The following TNFRSF19 variants were observed in gnomAD, a reference collection of about 807,000 sequenced individuals.
TNFRSF19 encodes tumor necrosis factor receptor superfamily member 19.
TNFRSF19 carries 27 observed loss-of-function variants against 46.4 expected under a neutral mutation model. The observed-to-expected ratio is 0.58, with a 90% CI of 0.43 to 0.80. The LOEUF (loss-of-function observed/expected upper bound fraction) is 0.80, where lower values mean the gene tolerates loss of function less well. TNFRSF19 is among the 30% of genes least tolerant of loss of function. The pLI, the probability that TNFRSF19 is intolerant of heterozygous loss-of-function variation, is 0.00. For synonymous variants in TNFRSF19, 204 were observed against 205.0 expected (o/e 1.00, Z 0.04); for missense variants, 511 against 530.8 (o/e 0.96, Z 0.37).
rs1355769102 is a variant in TNFRSF19, at chr13:23,660,931, G to A, written c.736+441G>A. On this transcript the variant is annotated intron_variant, in intron 7 of 9. Coordinates refer to ENST00000248484, the MANE Select transcript of TNFRSF19 (RefSeq NM_148957.4). Reference sequence around the variant, plus strand: ...AGAGAGCTGAGAAGTCCATTTCAAGGTTTTACACAAACCATAATTGCCCCT... The same window carrying A: ...AGAGAGCTGAGAAGTCCATTTCAAGATTTTACACAAACCATAATTGCCCCT... Among the ~76,000 whole-genome samples the A allele has an allele frequency of 2.6e-5, 4 of 152,168 alleles. No homozygotes were observed. In the East Asian group the frequency reaches 7.7e-4, roughly 29 times the overall value.
chr13:23,651,864 TC>T (rs1316340394), intron 5 of TNFRSF19, among the ~76,000 whole-genome samples: 1 of 59,072 alleles, frequency 1.7e-5, no homozygotes, highest in Non-Finnish European at 3.5e-5. Flanking sequence ...TTTTTTTTAC[TC>T]TAAATGGTTG....
intron 5 of TNFRSF19, among the ~76,000 whole-genome samples, chr13:23,641,149 A>C (rs972322201): frequency 2.0e-5 from 3 of 152,182 alleles, no homozygotes; most frequent in African/African-American, 7.2e-5. Flanking sequence ...AGAATTCTCT[A>C]ATGATCTATT....
chr13:23,603,441 A>ATACTTTC (rs1242989074), intron 3 of TNFRSF19, among the ~76,000 whole-genome samples: 1 of 152,090 alleles, frequency 6.6e-6, no homozygotes, highest in Admixed American at 6.5e-5. Flanking sequence ...CTTCCAGAAT[A>ATACTTTC]TAGCAGAGAA....
At chr13:23,603,545 A>G (rs1442653069) in intron 3 of TNFRSF19, among the ~76,000 whole-genome samples, 1 of 152,070 alleles carries the variant, frequency 6.6e-6, no homozygotes. Flanking sequence ...TCTCTCATGA[A>G]CAAAGATACA....
At chr13:23,651,840 C>CTT (rs71070609) in intron 5 of TNFRSF19, among the ~76,000 whole-genome samples, 9,631 of 35,942 alleles carry the variant, frequency 0.27, 2,149 homozygotes, top group Non-Finnish European at 0.32. Flanking sequence ...ACACTATAGT[C>CTT]TTTTTTTTTT....
intron 7 of TNFRSF19, among the ~76,000 whole-genome samples, chr13:23,661,082 T>C (rs2138395039): frequency 6.6e-6 from 1 of 152,318 alleles, no homozygotes. Flanking sequence ...TGGGGGTACA[T>C]GTGCAGGTTT....
intron 3 of TNFRSF19, among the ~76,000 whole-genome samples, chr13:23,599,083 GC>G (rs1316218000): frequency 6.6e-6 from 1 of 152,130 alleles, no homozygotes; most frequent in Non-Finnish European, 1.5e-5. Context: ...AGTATCCTGG[GC>G]TTTACATTTG....
In TNFRSF19 at chr13:23,631,054, G is replaced by A. The variant is rs571042678; in HGVS notation, c.445+4262G>A. 4.6e-5 allele frequency among the ~76,000 whole-genome samples: 7 copies of A among 152,186 alleles called. No homozygotes were observed. In the East Asian group the frequency reaches 1.2e-3, roughly 25 times the overall value. ...TGTGGCTTCATAGTCTTAGAAGACA[G>A]CAAGCAGTTGTTTGCACCAATAAGT... On this transcript the variant is annotated intron_variant, in intron 5 of 9. Coordinates refer to ENST00000248484, the MANE Select transcript of TNFRSF19 (RefSeq NM_148957.4).
At chr13:23,671,471 G>C (rs1475351058) in intron 9 of TNFRSF19, among the ~76,000 whole-genome samples, 1 of 150,862 alleles carries the variant, frequency 6.6e-6, no homozygotes, top group Non-Finnish European at 1.5e-5. Context: ...ATAATATTTT[G>C]AGCCCATTTT....
intron 7 of TNFRSF19, among the ~76,000 whole-genome samples, chr13:23,665,626 G>A (rs1951617310): frequency 6.6e-6 from 1 of 152,058 alleles, no homozygotes; most frequent in Non-Finnish European, 1.5e-5. Flanking sequence ...TCTCTCGTGT[G>A]TGTGTATACT....
rs3751366 is a variant in TNFRSF19 at position 23,660,230 on chromosome 13, G to T, written c.611-135G>T. On this transcript the variant is annotated intron_variant, in intron 6 of 9. Coordinates refer to ENST00000248484, the MANE Select transcript of TNFRSF19 (RefSeq NM_148957.4). ...TCTTAACAAATTATTTCATGTTTGT[G>T]CTTCCATGTAAGAAGAAGTCATCAA... The T allele has an allele frequency of 0.47, 398,434 of 852,576 alleles. 96,203 individuals carry two copies. Among genetic ancestry groups the T allele is most frequent in the South Asian group, 0.52 (27,630 of 52,898 alleles). 52.8% of individuals were successfully genotyped at this position (852,576 alleles called of 1,614,324 possible). A position where few individuals can be genotyped will look rare whatever the true frequency, so the allele number is the denominator to read the frequency against.
At chr13:23,573,569 G>GC (rs1185832092) in intron 1 of TNFRSF19, among the ~76,000 whole-genome samples, 3 of 152,146 alleles carry the variant, frequency 2.0e-5, no homozygotes, top group Non-Finnish European at 4.4e-5. Context: ...CTTAGATGAT[G>GC]CCAGTGGCAT....
chr13:23,673,326 C>CT, intron 9 of TNFRSF19, 46 bp from the exon 10 acceptor site: 1 of 1,577,202 alleles, frequency 6.3e-7, no homozygotes, highest in South Asian at 1.2e-5. Context: ...GCAGATTTAA[C>CT]TTGTAAGACA....
At chr13:23,632,575 C>T (rs1882419188) in intron 5 of TNFRSF19, among the ~76,000 whole-genome samples, 1 of 152,148 alleles carries the variant, frequency 6.6e-6, no homozygotes, top group African/African-American at 2.4e-5. Flanking sequence ...GTTTTCTTTA[C>T]TGTATCTCTT....
chr13:23,592,344 C>G (rs1290562849), intron 2 of TNFRSF19, among the ~76,000 whole-genome samples: 1 of 152,076 alleles, frequency 6.6e-6, no homozygotes, highest in African/African-American at 2.4e-5. Context: ...GACCAAACGT[C>G]TTCACCAATT....
chr13:23,578,865 G>A (rs755950447), intron 1 of TNFRSF19, among the ~76,000 whole-genome samples: 4 of 152,242 alleles, frequency 2.6e-5, no homozygotes, highest in Non-Finnish European at 5.9e-5. Context: ...CCGGCCTGCA[G>A]GAGGCGAACT....
At chr13:23,664,475 AC>A (rs1951585074) in intron 7 of TNFRSF19, among the ~76,000 whole-genome samples, 1 of 151,664 alleles carries the variant, frequency 6.6e-6, no homozygotes, top group Admixed American at 6.6e-5. Flanking sequence ...GCAAATTAAA[AC>A]CCTCTATAGC....
intron 5 of TNFRSF19, among the ~76,000 whole-genome samples, chr13:23,652,641 T>C (rs1883718364): frequency 6.6e-6 from 1 of 151,910 alleles, no homozygotes; most frequent in African/African-American, 2.4e-5. Context: ...ACTAAGTGCA[T>C]GCAAACAAAA....
At chr13:23,654,660 C>A (rs1174308903) in intron 5 of TNFRSF19, among the ~76,000 whole-genome samples, 1 of 152,174 alleles carries the variant, frequency 6.6e-6, no homozygotes, top group Non-Finnish European at 1.5e-5. Context: ...CATTACCCAA[C>A]AGAATGTTTT....
Sources: allele counts gnomAD v4.1 joint callset (sites outside exome capture counted in the v4.1 genomes callset), GRCh38; gene constraint gnomAD v4.1.1; transcripts MANE v1.5; gene names NCBI Gene and HGNC (gene_info 2026-07-23, HGNC 2026-07-21).